GCDH: variants seen among roughly 807,000 people sequenced by gnomAD.
GCDH encodes the protein glutaryl-CoA dehydrogenase, mitochondrial.
A neutral mutation model predicts 52.8 loss-of-function variants in GCDH; 31 were observed. The ratio of observed to expected loss-of-function variants is 0.59; its 90% CI spans 0.44 to 0.79. The LOEUF (loss-of-function observed/expected upper bound fraction) is 0.79, where lower values mean the gene tolerates loss of function less well. GCDH is among the 30% of genes least tolerant of loss of function. The probability of loss-of-function intolerance (pLI) is 0.00; values close to 1 mark genes in which losing one functional copy is unlikely to be tolerated. For synonymous variants in GCDH, 242 were observed against 250.0 expected, an observed-to-expected ratio of 0.97 and a Z score of 0.30; for missense variants, 509 against 595.0, an observed-to-expected ratio of 0.86 and a Z score of 1.50.
rs1389997553 is a variant in GCDH at position 12,895,865 on chromosome 19, C to A, written c.506-127C>A. 9.8e-6 allele frequency: 11 copies of A among 1,123,250 alleles called. No homozygotes were observed. The Admixed American group carries it at 1.7e-4, about 18-fold the overall frequency. 69.6% of individuals were successfully genotyped at this position (1,123,250 alleles called of 1,614,324 possible). A position where few individuals can be genotyped will look rare whatever the true frequency, so the allele number is the denominator to read the frequency against. On this transcript the variant is annotated intron_variant, in intron 6 of 11. Coordinates refer to ENST00000222214, the MANE Select transcript of GCDH (RefSeq NM_000159.4). ...GAACTCCTGACCTCAATTGATCCACCTGCCTTGGCCTCCTAAAGTGCTGGG... is the reference window on the plus strand; with the variant it reads ...GAACTCCTGACCTCAATTGATCCACATGCCTTGGCCTCCTAAAGTGCTGGG...
rs1324968000 is a variant in GCDH, at chr19:12,899,901, G to C, written c.*360G>C. On this transcript the variant is annotated 3_prime_UTR_variant, in exon 12 of 12. Coordinates refer to ENST00000222214, the MANE Select transcript of GCDH (RefSeq NM_000159.4). ...AGTGCGCCCTCCCTCCCTCCCATCT[G>C]GGGGTAGTGCCTTATGCTGGGTGTT... is the stretch of plus-strand genomic sequence containing the variant. 1.9e-6 allele frequency: 3 copies of C among 1,601,074 alleles called. No homozygotes were observed. The highest frequency in any genetic ancestry group is 2.6e-6 in the Non-Finnish European group (3 of 1,171,406).
intron 9 of GCDH, 139 bp downstream of exon 9, chr19:12,897,152 G>C: frequency 8.2e-7 from 1 of 1,213,278 alleles, no homozygotes; most frequent in South Asian, 1.3e-5. Context: ...GTCCTTCTGA[G>C]CAGCTGTGGG....
Position 12,897,811 on chromosome 19 carries a change from G to T in GCDH, c.1191G>T (p.Glu397Asp), listed in dbSNP as rs376573855. ...TGGGGGGGAATGGGATTTCTGACGA[G>T]TATCACGTGATCCGGCACGCCATGA... ...DMLGGNGISDEYHVIRHAMNL... is the reference protein window; with the variant it reads ...DMLGGNGISDDYHVIRHAMNL... Residue 397 changes from glutamate to aspartate, a missense_variant, in exon 11 of 12, where the codon GAG becomes GAT. Coordinates refer to ENST00000222214, the MANE Select transcript of GCDH (RefSeq NM_000159.4). 4 of 1,613,938 alleles carry T rather than the reference G, an allele frequency of 2.5e-6. No individual in the cohort carries two copies. In the African/African-American group the frequency reaches 5.3e-5, roughly 22 times the overall value.
rs1970795439 is a variant in GCDH, at chr19:12,899,861, T to A, written c.*320T>A. ...ACTCCGTCTGCTGCAGCTGACCCCC[T>A]CACACTGAGTTCACAGTGCGCCCTC... On this transcript the variant is annotated 3_prime_UTR_variant, in exon 12 of 12. Transcript: ENST00000222214. 2.0e-5 allele frequency: 32 copies of A among 1,585,942 alleles called. No homozygotes were observed. The highest frequency in any genetic ancestry group is 2.5e-5 in the Non-Finnish European group (29 of 1,157,124).
chr19:12,892,690 A>C (rs879322089), intron 5 of GCDH, among the ~76,000 whole-genome samples: 83 of 146,716 alleles, frequency 5.7e-4, no homozygotes, highest in Middle Eastern at 8.2e-3. Context: ...TTAAGTGATT[A>C]TCCTGCCTCA....
chr19:12,897,634 G>C, intron 10 of GCDH, 69 bp from the exon 11 acceptor site: 1 of 1,585,820 alleles, frequency 6.3e-7, no homozygotes, highest in Non-Finnish European at 8.7e-7. Context: ...CCCACCCCGG[G>C]CTAGGTTTGC....
chr19:12,895,610 C>T (rs1473552171), intron 6 of GCDH, among the ~76,000 whole-genome samples: 1 of 151,328 alleles, frequency 6.6e-6, no homozygotes, highest in Non-Finnish European at 1.5e-5. Context: ...ATTGGTCAGG[C>T]TGGATTTTTT....
At chr19:12,897,451 G>C (rs369687560) in intron 10 of GCDH, 23 bp downstream of exon 10, 1 of 1,609,820 alleles carries the variant, frequency 6.2e-7, no homozygotes, top group Non-Finnish European at 8.5e-7. Flanking sequence ...TGGTGGGGGC[G>C]GGGGGATGGC....
chr19:12,895,877 C>T, intron 6 of GCDH, 115 bp from the exon 7 acceptor site: 1 of 1,343,800 alleles, frequency 7.4e-7, no homozygotes. Flanking sequence ...GCCTTGGCCT[C>T]CTAAAGTGCT....
At chr19:12,892,305 C>T (rs1022524633) in intron 5 of GCDH, 127 bp downstream of exon 5, 5 of 887,482 alleles carry the variant, frequency 5.6e-6, no homozygotes, top group Admixed American at 2.1e-5. Context: ...CTTTCTTCTT[C>T]CCCCCCAACA....
intron 11 of GCDH, chr19:12,898,208 G>A (rs1970735420): frequency 2.6e-6 from 1 of 387,066 alleles, no homozygotes; most frequent in Non-Finnish European, 4.9e-6. Context: ...GCAAGGGAGT[G>A]AGCGAAGCTA....
intron 2 of GCDH, 30 bp downstream of exon 2, chr19:12,891,425 A>C: frequency 1.9e-6 from 3 of 1,613,924 alleles, no homozygotes; most frequent in Non-Finnish European, 2.5e-6. Flanking sequence ...TGTGGAGGGA[A>C]GGAGGGAGGA....
Position 12,891,593 on chromosome 19 carries a change from G to A in GCDH, c.127+71G>A, listed in dbSNP as rs763827330. 2.5e-6 allele frequency: 4 copies of A among 1,613,442 alleles called. No homozygotes were observed. The East Asian group carries it at 8.9e-5, about 36-fold the overall frequency. ...TGTCTGTCTGCCGCAGGTGGACTCT[G>A]TCCCAGAATCCGAGAGCTGCCCGAG... is the stretch of plus-strand genomic sequence containing the variant. On this transcript the variant is annotated intron_variant, in intron 3 of 11. Coordinates refer to ENST00000222214, the MANE Select transcript of GCDH (RefSeq NM_000159.4).
chr19:12,893,370 G>A, intron 5 of GCDH, 113 bp from the exon 6 acceptor site: 2 of 900,884 alleles, frequency 2.2e-6, no homozygotes. Context: ...CCTCAGCTAG[G>A]GCCAGCTTGG....
Position 12,892,278 on chromosome 19 carries a change from T to A in GCDH, c.334+100T>A, listed in dbSNP as rs1212012002. The stretch of plus-strand genomic sequence containing the variant: ...CTTTCTTCCTTCCTTCTCTTTCTTT[T>A]CTTTTCCTTTTCTTTCCTTTCTTCT... On this transcript the variant is annotated intron_variant, in intron 5 of 11. Transcript: ENST00000222214. 3.7e-6 allele frequency: 4 copies of A among 1,085,590 alleles called. 1 individual carries two copies. Among genetic ancestry groups the A allele is most frequent in the South Asian group, 2.6e-5 (2 of 78,134 alleles). The allele number at this position is 1,085,590 out of a possible 1,614,324, so 67.2% of individuals were successfully genotyped here. A position where few individuals can be genotyped will look rare whatever the true frequency, so the allele number is the denominator to read the frequency against.
At position 12,893,513 on chromosome 19, in the gene GCDH, C is replaced by T. The variant is rs766325846; in HGVS notation, c.365C>T (p.Ala122Val). The change falls in exon 6 of 12, where the codon GCC becomes GTC. Residue 122 changes from alanine (A) to valine (V), a missense_variant. Transcript: ENST00000222214. ...GGCTGTGCTGGGGTTTCGTCTGTGG[C>T]CTATGGGCTCCTGGCCCGAGAGCTG... The part of the protein sequence containing the change: ...GYGCAGVSSV[A>V]YGLLARELER... 4 of 1,614,046 alleles carry T rather than the reference C, an allele frequency of 2.5e-6. No individual in the cohort carries two copies. The South Asian group carries it at 4.4e-5, about 18-fold the overall frequency.
rs1157728231 is a variant in GCDH, at chr19:12,896,860, C to A, written c.853-50C>A. The A allele has an allele frequency of 7.6e-7, 1 of 1,309,588 alleles. No individual in the cohort carries two copies. The highest frequency in any genetic ancestry group is 1.7e-5 in the Admixed American group (1 of 59,164). The allele number at this position is 1,309,588 out of a possible 1,614,324, so 81.1% of individuals were successfully genotyped here. The stretch of plus-strand genomic sequence containing the variant: ...TGCTTCAGAGTTGGTTCTGCATAGG[C>A]CCTCTTGGTGTCTCTTGGGTGGGCC... On this transcript the variant is annotated intron_variant, in intron 8 of 11. Transcript: ENST00000222214. The surrounding 1 kb of genome is among the most constrained non-coding windows in gnomAD (Gnocchi z 5.5).
At chr19:12,893,994 A>G (rs966975883) in intron 6 of GCDH, 2 of 582,502 alleles carry the variant, frequency 3.4e-6, no homozygotes, top group Non-Finnish European at 6.1e-6. Context: ...TGAGCCCAAG[A>G]GTTCGAAACC....
chr19:12,898,665 C>T (rs1475753123), intron 11 of GCDH: 1 of 155,672 alleles, frequency 6.4e-6, no homozygotes, highest in African/African-American at 2.4e-5. Flanking sequence ...ACCTGTAATC[C>T]CAGCGCTTTG....
Sources: gnomAD v4.1 joint callset for allele counts (sites outside exome capture counted in the v4.1 genomes callset) on GRCh38, gnomAD v4.1.1 for gene constraint, Gnocchi (gnomAD v3.1) non-coding constraint, MANE v1.5 for transcripts, NCBI Gene and HGNC (gene_info 2026-07-23, HGNC 2026-07-21) for gene names.